Variants in ADAM32 observed in about 807,000 individuals in gnomAD.
ADAM32 encodes ADAM metallopeptidase domain 32.
In ADAM32, 89 loss-of-function variants were observed where a neutral mutation model predicts 114.9. That is an observed-to-expected ratio of 0.77 (90% CI 0.65 to 0.92). The LOEUF (loss-of-function observed/expected upper bound fraction) is 0.92. Among genes scored for constraint, ADAM32 ranks in the 40% least tolerant of loss-of-function variants. The pLI is 0.00. For missense variants in ADAM32, 870 were observed against 932.8 expected (o/e 0.93, Z 0.88); for synonymous variants, 285 against 307.5 (o/e 0.93, Z 0.77).
chr8:39,145,350 A>G (rs1242445324), intron 3 of ADAM32, among the ~76,000 whole-genome samples: 12 of 152,234 alleles, frequency 7.9e-5, no homozygotes, highest in African/African-American at 2.9e-4. Context: ...ACTGAACAAA[A>G]AGAACAAAGC....
At chr8:39,112,771 G>C (rs886933344) in intron 1 of ADAM32, among the ~76,000 whole-genome samples, 1 of 152,072 alleles carries the variant, frequency 6.6e-6, no homozygotes, top group Non-Finnish European at 1.5e-5. Context: ...ACACTGAAAG[G>C]GTTTAAATAA....
chr8:39,190,551 T>G (rs573127180), intron 11 of ADAM32, among the ~76,000 whole-genome samples: 1 of 152,356 alleles, frequency 6.6e-6, no homozygotes, highest in South Asian at 2.1e-4. Context: ...ATCACCAGTA[T>G]TTGTTAGTTT....
intron 17 of ADAM32, among the ~76,000 whole-genome samples, chr8:39,248,690 A>G (rs1811089278): frequency 1.3e-5 from 2 of 152,138 alleles, no homozygotes; most frequent in South Asian, 4.1e-4. Flanking sequence ...ATTTTATTGT[A>G]TTAGTTAGAA....
At chr8:39,114,148 T>C (rs184105579) in intron 1 of ADAM32, among the ~76,000 whole-genome samples, 1 of 152,324 alleles carries the variant, frequency 6.6e-6, no homozygotes, top group Admixed American at 6.5e-5. Context: ...AAGTCCCTAT[T>C]CTGATCAATG....
At chr8:39,117,692 T>C (rs1336443132) in intron 1 of ADAM32, among the ~76,000 whole-genome samples, 3 of 152,146 alleles carry the variant, frequency 2.0e-5, no homozygotes, top group Non-Finnish European at 4.4e-5. Flanking sequence ...GAATTCTTTA[T>C]CTTGGAAACC....
intron 22 of ADAM32, chr8:39,276,439 T>C (rs926978786): frequency 1.3e-5 from 2 of 152,196 alleles, no homozygotes. Context: ...CACTCAGCAA[T>C]TGTGGGTTTT....
chr8:39,230,393 T>C (rs1237551069), intron 14 of ADAM32, among the ~76,000 whole-genome samples: 1 of 152,230 alleles, frequency 6.6e-6, no homozygotes, highest in Non-Finnish European at 1.5e-5. Context: ...TTGGTAACTT[T>C]AGATGCCACA....
chr8:39,192,544 G>A (rs1337998207), intron 11 of ADAM32, among the ~76,000 whole-genome samples: 3 of 152,178 alleles, frequency 2.0e-5, no homozygotes. Context: ...GTGTGAATTT[G>A]ATCCTGCCAT....
intron 1 of ADAM32, among the ~76,000 whole-genome samples, chr8:39,113,474 T>C (rs193260933): frequency 3.1e-4 from 47 of 152,294 alleles, no homozygotes; most frequent in Middle Eastern, 3.4e-3. Context: ...CAGTATGTAT[T>C]ATCTCTGAAT....
intron 14 of ADAM32, among the ~76,000 whole-genome samples, chr8:39,227,229 C>CT (rs527442912): frequency 2.8e-4 from 42 of 152,324 alleles, no homozygotes; most frequent in Middle Eastern, 3.4e-3. Context: ...CCTTCCTCCT[C>CT]TCCTGAACAC....
rs140699655 is a variant in ADAM32, at chr8:39,171,847, A to G, written c.915+1850A>G. Among the ~76,000 whole-genome samples, 110 of 151,062 alleles carry G rather than the reference A, an allele frequency of 7.3e-4. 2 individuals carry two copies. In the East Asian group the frequency reaches 0.02, roughly 27 times the overall value. On this transcript the variant is annotated intron_variant, in intron 10 of 24. Transcript: ENST00000379907. ...TGGTTCTTATTTTTAATTTTATGTA[A>G]TATCTATATATATGTTAAACAATGT... is the stretch of plus-strand genomic sequence containing the variant.
intron 19 of ADAM32, among the ~76,000 whole-genome samples, chr8:39,269,526 T>C (rs1298922664): frequency 2.6e-5 from 4 of 152,230 alleles, no homozygotes; most frequent in Non-Finnish European, 5.9e-5. Flanking sequence ...TACTCTTTCA[T>C]TTCTCTAATT....
At position 39,270,908 on chromosome 8, in the gene ADAM32, C is replaced by T. The variant is rs774211989; in HGVS notation, c.2195C>T (p.Ala732Val). 1 of 1,609,118 alleles carries T rather than the reference C, an allele frequency of 6.2e-7. No individual in the cohort carries two copies. Residue 732 changes from alanine (A) to valine (V), a missense_variant, in exon 20 of 25, where the codon GCC becomes GTC. Coordinates refer to ENST00000379907, the MANE Select transcript of ADAM32 (RefSeq NM_145004.7). ...TCGGAAGGTAGCACACAGACATATG[C>T]CAGCCAGTAAGTAGTTTAGAAGGTG... The part of the protein sequence containing the change: ...SKSEGSTQTY[A>V]SQSSSEGSTQ...
chr8:39,153,394 T>C (rs1267185579), intron 6 of ADAM32, among the ~76,000 whole-genome samples: 1 of 152,224 alleles, frequency 6.6e-6, no homozygotes, highest in African/African-American at 2.4e-5. Context: ...GTGGGGATGA[T>C]GCAGGAGGGT....
chr8:39,281,096 AATAG>A, intron 22 of ADAM32, 36 bp from the exon 23 acceptor site: 1 of 1,083,436 alleles, frequency 9.2e-7, no homozygotes, highest in Non-Finnish European at 1.2e-6. Flanking sequence ...TATTTTTAAT[AATAG>A]ATATTTAATA....
intron 2 of ADAM32, among the ~76,000 whole-genome samples, chr8:39,129,125 C>CTTTT (rs71218309): frequency 1.5e-5 from 2 of 133,532 alleles, no homozygotes; most frequent in Non-Finnish European, 3.2e-5. Flanking sequence ...TTTTTTTTGT[C>CTTTT]TTTTTTTTTT....
At chr8:39,258,410 C>T (rs28460316) in intron 19 of ADAM32, among the ~76,000 whole-genome samples, 54,920 of 151,518 alleles carry the variant, frequency 0.36, 12,520 homozygotes, top group African/African-American at 0.65. Flanking sequence ...TATATCATTT[C>T]CTTTATACTC....
intron 4 of ADAM32, 71 bp from the exon 5 acceptor site, chr8:39,149,720 T>C: frequency 9.4e-7 from 1 of 1,060,186 alleles, no homozygotes; most frequent in African/African-American, 1.6e-5. Flanking sequence ...TTCTATCAAG[T>C]ATAGAAGTAG....
Position 39,211,322 on chromosome 8 carries a change from G to C in ADAM32, c.1231G>C (p.Ala411Pro). 17 of 1,499,158 alleles carry C rather than the reference G, an allele frequency of 1.1e-5. No homozygotes were observed. The highest frequency in any genetic ancestry group is 1.4e-5 in the Non-Finnish European group (16 of 1,127,882). 92.9% of individuals were successfully genotyped at this position (1,499,158 alleles called of 1,614,324 possible). ...TGAAATCTGTGATTGTGGTACTGAG[G>C]CTGTAAGTATGATAACTAGGAAAAT... Reference protein sequence around the residue: ...GNEICDCGTEAQCGPASCCDF... With the variant: ...GNEICDCGTEPQCGPASCCDF... Residue 411 changes from alanine (A) to proline (P), a missense_variant and splice_region_variant, in exon 12 of 25, where the codon GCT becomes CCT. Ala to Pro is a conservative substitution (Grantham distance 27). Coordinates refer to ENST00000379907, the MANE Select transcript of ADAM32 (RefSeq NM_145004.7).
Sources: allele counts gnomAD v4.1 joint callset (sites outside exome capture counted in the v4.1 genomes callset), GRCh38; gene constraint gnomAD v4.1.1; transcripts MANE v1.5; gene names NCBI Gene and HGNC (gene_info 2026-07-23, HGNC 2026-07-21).